Variants in IL16 observed in about 807,000 individuals in gnomAD.
The protein encoded by IL16 is interleukin 16, also known as pro-interleukin-16.
Under a neutral mutation model 110.1 loss-of-function variants are expected in IL16, and 67 were observed. That is an observed-to-expected ratio of 0.61 (90% CI 0.50 to 0.75). The LOEUF (loss-of-function observed/expected upper bound fraction) is 0.75. Among genes scored for constraint, IL16 ranks in the 30% least tolerant of loss-of-function variants. The probability of loss-of-function intolerance (pLI) is 0.00; values close to 1 mark genes in which losing one functional copy is unlikely to be tolerated. For synonymous variants in IL16, 689 were observed against 662.9 expected, an observed-to-expected ratio of 1.04 and a Z score of -0.61; for missense variants, 1,545 against 1,655.0, an observed-to-expected ratio of 0.93 and a Z score of 1.15.
chr15:81,222,228 T>C (rs942406419), intron 1 of IL16, among the ~76,000 whole-genome samples: 10 of 151,810 alleles, frequency 6.6e-5, no homozygotes, highest in African/African-American at 2.2e-4. Context: ...GGGGGCAGAG[T>C]TGAGGCCTTG....
At position 81,292,862 on chromosome 15, in the gene IL16, A is replaced by T; in HGVS notation, c.1727A>T (p.His576Leu). 6.3e-7 allele frequency: 1 copy of T among 1,596,512 alleles called. No homozygotes were observed. The highest frequency in any genetic ancestry group is 8.5e-7 in the Non-Finnish European group (1 of 1,172,866). Residue 576 changes from histidine (H) to leucine (L), a missense_variant, in exon 12 of 19, where the codon CAC becomes CTC. Transcript: ENST00000683961. ...SPPLPESRDS[H>L]PPLRLKKSFE... is the part of the protein sequence containing the mutation. The stretch of plus-strand genomic sequence containing the variant: ...CCCCTCCCAGAGAGCCGGGACAGCC[A>T]CCCGCCGCTGAGACTGAAGAAATCC...
intron 2 of IL16, among the ~76,000 whole-genome samples, chr15:81,234,013 C>T (rs1417582791): frequency 6.6e-6 from 1 of 152,048 alleles, no homozygotes; most frequent in Non-Finnish European, 1.5e-5. Flanking sequence ...GATAAATGCT[C>T]TTACAATTTC....
chr15:81,286,156 A>G (rs1382283543), intron 10 of IL16, among the ~76,000 whole-genome samples: 1 of 152,212 alleles, frequency 6.6e-6, no homozygotes, highest in Admixed American at 6.5e-5. Flanking sequence ...CACTGTGGGA[A>G]TGTCTGGAGG....
At chr15:81,229,469 T>G (rs4095327) in intron 2 of IL16, among the ~76,000 whole-genome samples, 2 of 151,732 alleles carry the variant, frequency 1.3e-5, no homozygotes, top group East Asian at 1.9e-4. Flanking sequence ...GGAGTCAAGT[T>G]TGAGGCAGGG....
chr15:81,249,625 T>C (rs1174175331), intron 2 of IL16, among the ~76,000 whole-genome samples: 1 of 152,250 alleles, frequency 6.6e-6, no homozygotes, highest in Non-Finnish European at 1.5e-5. Context: ...ATCTTCTATA[T>C]GTTTTAGTGT....
At chr15:81,302,533 C>T (rs2141622087) in intron 15 of IL16, among the ~76,000 whole-genome samples, 1 of 152,254 alleles carries the variant, frequency 6.6e-6, no homozygotes, top group Non-Finnish European at 1.5e-5. Flanking sequence ...CAGTGAGGTA[C>T]ATTCATCCTT....
intron 2 of IL16, among the ~76,000 whole-genome samples, chr15:81,252,965 G>A (rs190833427): frequency 6.6e-6 from 1 of 152,172 alleles, no homozygotes; most frequent in Non-Finnish European, 1.5e-5. Flanking sequence ...GTGGTTTTAT[G>A]TTTTCATTTC....
intron 5 of IL16, 81 bp downstream of exon 5, chr15:81,269,729 G>A: frequency 1.0e-6 from 1 of 986,484 alleles, no homozygotes; most frequent in Non-Finnish European, 1.6e-6. Context: ...GGGAAGGATG[G>A]GAATAGGACT....
intron 1 of IL16, among the ~76,000 whole-genome samples, chr15:81,191,355 C>T (rs1304738565): frequency 6.6e-6 from 1 of 152,206 alleles, no homozygotes; most frequent in African/African-American, 2.4e-5. Context: ...ATAAATTACG[C>T]TAAGGAAATG....
chr15:81,274,479 G>T (rs936635316), intron 6 of IL16, among the ~76,000 whole-genome samples: 4 of 152,188 alleles, frequency 2.6e-5, no homozygotes, highest in African/African-American at 9.7e-5. Flanking sequence ...TTAGAGGTGT[G>T]AGCCACAGTG....
chr15:81,265,660 T>G lies in IL16; in HGVS notation c.423T>G (p.Ser141Arg). Reference protein sequence around the residue: ...CHQRARSNSTSVNPYCTREID... With the variant: ...CHQRARSNSTRVNPYCTREID... The stretch of plus-strand genomic sequence containing the variant: ...GCTGTTTTTCCTCTTCTGGTTTAGG[T>G]GTTAATCCCTATTGCACAAGAGAAA... Residue 141 changes from serine (S) to arginine (R), a missense_variant and splice_region_variant, in exon 4 of 19, where the codon AGT (serine) becomes AGG (arginine). Physicochemically the swap from Ser to Arg is moderately radical, Grantham distance 110 (BLOSUM62 -1). Coordinates refer to ENST00000683961, the MANE Select transcript of IL16 (RefSeq NM_172217.5). The G allele has an allele frequency of 6.2e-7, 1 of 1,613,896 alleles. No individual in the cohort carries two copies. Among genetic ancestry groups the G allele is most frequent in the Non-Finnish European group, 8.5e-7 (1 of 1,179,908 alleles).
chr15:81,206,434 T>A (rs1406939567), intron 1 of IL16, among the ~76,000 whole-genome samples: 7 of 152,216 alleles, frequency 4.6e-5, no homozygotes, highest in African/African-American at 1.4e-4. Flanking sequence ...ATATAAGCAG[T>A]TCTTTGTTGA....
At chr15:81,211,454 G>A (rs997228137) in intron 1 of IL16, among the ~76,000 whole-genome samples, 2 of 152,168 alleles carry the variant, frequency 1.3e-5, no homozygotes, top group African/African-American at 4.8e-5. Flanking sequence ...GTTTCGCCAT[G>A]TTGGCCAGGC....
At chr15:81,264,525 A>G (rs1034135627) in intron 3 of IL16, among the ~76,000 whole-genome samples, 52 of 151,872 alleles carry the variant, frequency 3.4e-4, no homozygotes, top group African/African-American at 9.7e-4. Flanking sequence ...AGCAAACCCA[A>G]CCCTGCTCCA....
chr15:81,255,380 A>C (rs570016393), intron 2 of IL16, among the ~76,000 whole-genome samples: 2 of 152,220 alleles, frequency 1.3e-5, no homozygotes, highest in Non-Finnish European at 2.9e-5. Flanking sequence ...AAAGAACTTG[A>C]TTATAGCCTA....
At chr15:81,251,548 A>G (rs78697711) in intron 2 of IL16, among the ~76,000 whole-genome samples, 274 of 152,340 alleles carry the variant, frequency 1.8e-3, no homozygotes, top group African/African-American at 5.8e-3. Flanking sequence ...AAACAATGTG[A>G]TGATGAACAT....
chr15:81,215,950 T>A (rs946342524), intron 1 of IL16, among the ~76,000 whole-genome samples: 5 of 152,212 alleles, frequency 3.3e-5, no homozygotes, highest in Non-Finnish European at 7.3e-5. Context: ...GGTGGAGCAA[T>A]GCGCTCAGGC....
At chr15:81,214,143 G>A (rs1285494963) in intron 1 of IL16, among the ~76,000 whole-genome samples, 1 of 152,070 alleles carries the variant, frequency 6.6e-6, no homozygotes, top group East Asian at 1.9e-4. Context: ...AATTCCATCA[G>A]CATTTGCTTG....
intron 7 of IL16, among the ~76,000 whole-genome samples, chr15:81,279,146 A>G (rs1899050385): frequency 6.6e-6 from 1 of 152,236 alleles, no homozygotes. Context: ...TTATCATGGT[A>G]TATTTACAAA....
Sources: allele counts gnomAD v4.1 joint callset (sites outside exome capture counted in the v4.1 genomes callset), GRCh38; gene constraint gnomAD v4.1.1; transcripts MANE v1.5; gene names NCBI Gene and HGNC (gene_info 2026-07-23, HGNC 2026-07-21).